Variants in FGD3 observed in about 807,000 individuals in gnomAD.
FGD3 encodes FYVE, RhoGEF and PH domain-containing protein 3.
A neutral mutation model predicts 71.8 loss-of-function variants in FGD3; 45 were observed. The ratio of observed to expected loss-of-function variants is 0.63; its 90% CI spans 0.49 to 0.80. The LOEUF (loss-of-function observed/expected upper bound fraction) is 0.80. Among genes scored for constraint, FGD3 ranks in the 30% least tolerant of loss-of-function variants. FGD3 has a pLI of 0.00. For synonymous variants in FGD3, 378 were observed against 392.8 expected, an observed-to-expected ratio of 0.96 and a Z score of 0.44; for missense variants, 844 against 951.5, an observed-to-expected ratio of 0.89 and a Z score of 1.49.
chr9:92,978,614 G>A (rs10992562), intron 3 of FGD3, among the ~76,000 whole-genome samples: 75,756 of 148,610 alleles, frequency 0.51, 19,653 homozygotes, highest in Middle Eastern at 0.61. Context: ...ACATTTAAAT[G>A]TTAAGGCTCC....
chr9:92,989,853 AT>A (rs896787227), intron 3 of FGD3, among the ~76,000 whole-genome samples: 3 of 143,940 alleles, frequency 2.1e-5, no homozygotes, highest in Non-Finnish European at 4.6e-5. Flanking sequence ...TTTCAGCTTA[AT>A]TTTTTTCTTT....
intron 3 of FGD3, among the ~76,000 whole-genome samples, chr9:92,993,733 G>A (rs1333246659): frequency 6.6e-6 from 1 of 152,116 alleles, no homozygotes; most frequent in African/African-American, 2.4e-5. Flanking sequence ...TTCCGTCCTT[G>A]CGATAGTTTG....
Position 93,006,145 on chromosome 9 carries a change from T to A in FGD3, c.802T>A (p.Ser268Thr). The change falls in exon 6 of 18, where the codon TCC becomes ACC. Residue 268 changes from serine to threonine, a missense_variant. By Grantham distance (58) the Ser-to-Thr change is moderately conservative (BLOSUM62 1). Coordinates refer to ENST00000375482, the MANE Select transcript of FGD3 (RefSeq NM_001083536.2). ...VGLVSTWTQR[S>T]PLFKDVVHSI... ...GCTGGTGAGCACGTGGACCCAGCGC[T>A]CCCCACTGTTTAAAGACGTCGTCCA... 1.9e-6 allele frequency: 3 copies of A among 1,607,382 alleles called. No homozygotes were observed. The highest frequency in any genetic ancestry group is 2.5e-6 in the Non-Finnish European group (3 of 1,176,576).
At chr9:92,978,416 C>G (rs1587826019) in intron 3 of FGD3, among the ~76,000 whole-genome samples, 1 of 116,472 alleles carries the variant, frequency 8.6e-6, no homozygotes, top group African/African-American at 3.2e-5. Context: ...ACCGCCCACC[C>G]CCCCACCCCA....
chr9:92,949,074 G>C (rs1858906889), intron 1 of FGD3, among the ~76,000 whole-genome samples: 1 of 152,174 alleles, frequency 6.6e-6, no homozygotes, highest in South Asian at 2.1e-4. Flanking sequence ...GGGACTGCAG[G>C]CTTCTTCAAG....
chr9:93,026,118 G>C (rs1318959332), intron 14 of FGD3, among the ~76,000 whole-genome samples: 2 of 152,212 alleles, frequency 1.3e-5, no homozygotes, highest in Non-Finnish European at 2.9e-5. Flanking sequence ...CCCGTTCCTG[G>C]ATGTGCAGCT....
intron 1 of FGD3, among the ~76,000 whole-genome samples, chr9:92,968,721 C>A (rs1859429010): frequency 6.6e-6 from 1 of 151,576 alleles, no homozygotes; most frequent in South Asian, 2.1e-4. Flanking sequence ...CCTGTCTCAG[C>A]CTCCAGAATA....
chr9:92,948,038 C>T (rs1395961514), intron 1 of FGD3, among the ~76,000 whole-genome samples: 1 of 152,172 alleles, frequency 6.6e-6, no homozygotes, highest in Non-Finnish European at 1.5e-5. Context: ...AGGATACCTA[C>T]TGAATGATTA....
At chr9:92,962,801 C>T (rs1859194521) in intron 1 of FGD3, among the ~76,000 whole-genome samples, 1 of 152,060 alleles carries the variant, frequency 6.6e-6, no homozygotes, top group Non-Finnish European at 1.5e-5. Context: ...ATTAGCTGGG[C>T]ATTGTGGTGG....
intron 1 of FGD3, among the ~76,000 whole-genome samples, chr9:92,953,893 A>C (rs1256119968): frequency 1.3e-5 from 2 of 152,184 alleles, no homozygotes; most frequent in African/African-American, 4.8e-5. Context: ...AGGACAGCTA[A>C]GTAGAAATTA....
At chr9:92,991,866 C>A (rs910846079) in intron 3 of FGD3, among the ~76,000 whole-genome samples, 1 of 152,062 alleles carries the variant, frequency 6.6e-6, no homozygotes, top group Non-Finnish European at 1.5e-5. Context: ...CAATTATATT[C>A]TCCTCCTGAA....
At chr9:92,989,753 T>A (rs1037108776) in intron 3 of FGD3, among the ~76,000 whole-genome samples, 9 of 152,196 alleles carry the variant, frequency 5.9e-5, no homozygotes, top group African/African-American at 2.2e-4. Context: ...GAGGTAAACA[T>A]AGGGCAGCCA....
rs571971264 is a variant in FGD3, at chr9:92,987,535, C to G, written c.453+10826C>G. ...CCTACCACTCTCATGAGCCTCCTGT[C>G]TAGGAGGGCCATGGGTGCCTCAGTT... On this transcript the variant is annotated intron_variant, in intron 3 of 17. Coordinates refer to ENST00000375482, the MANE Select transcript of FGD3 (RefSeq NM_001083536.2). 2.6e-5 allele frequency among the ~76,000 whole-genome samples: 4 copies of G among 152,260 alleles called. No individual in the cohort carries two copies. In the South Asian group the frequency reaches 8.3e-4, roughly 32 times the overall value.
chr9:92,977,961 A>G (rs967526684), intron 3 of FGD3, among the ~76,000 whole-genome samples: 1 of 152,198 alleles, frequency 6.6e-6, no homozygotes, highest in East Asian at 1.9e-4. Flanking sequence ...AGGACCAGGC[A>G]AGTGTACACA....
At chr9:92,983,103 T>C (rs1005747033) in intron 3 of FGD3, among the ~76,000 whole-genome samples, 1 of 151,868 alleles carries the variant, frequency 6.6e-6, no homozygotes, top group Non-Finnish European at 1.5e-5. Flanking sequence ...AAAATTCACC[T>C]TTTAAAAAGG....
chr9:92,964,836 C>T (rs1035681607), intron 1 of FGD3, among the ~76,000 whole-genome samples: 8 of 152,266 alleles, frequency 5.3e-5, no homozygotes, highest in East Asian at 1.9e-4. Context: ...CGGGGGGTAG[C>T]GCGAGCCTTC....
intron 16 of FGD3, chr9:93,033,327 TCTC>T (rs147389625): frequency 0.16 from 28,675 of 176,936 alleles, 2,929 homozygotes; most frequent in African/African-American, 0.22. Flanking sequence ...CCCGTCCCCT[TCTC>T]CTCCTCCTCC....
chr9:92,949,735 G>C (rs1211481044), intron 1 of FGD3, among the ~76,000 whole-genome samples: 2 of 152,158 alleles, frequency 1.3e-5, no homozygotes, highest in Non-Finnish European at 2.9e-5. Flanking sequence ...TGTGTGTGCA[G>C]AAATGTGCCA....
At chr9:92,983,249 A>G (rs972593155) in intron 3 of FGD3, among the ~76,000 whole-genome samples, 2 of 152,078 alleles carry the variant, frequency 1.3e-5, no homozygotes, top group African/African-American at 4.8e-5. Context: ...TTGGTTGGGC[A>G]TGGTGGCTCA....
Sources: gnomAD v4.1 joint callset for allele counts (sites outside exome capture counted in the v4.1 genomes callset) on GRCh38, gnomAD v4.1.1 for gene constraint, MANE v1.5 for transcripts, NCBI Gene and HGNC (gene_info 2026-07-23, HGNC 2026-07-21) for gene names.